Variants in NRCAM observed in about 807,000 individuals in gnomAD.
The protein encoded by NRCAM is NgCAM-related cell adhesion molecule.
NRCAM carries 83 observed loss-of-function variants against 156.5 expected under a neutral mutation model. That is an observed-to-expected ratio of 0.53 (90% CI 0.44 to 0.64). The LOEUF is 0.64. Among genes scored for constraint, NRCAM ranks in the 30% least tolerant of loss-of-function variants. The pLI is 0.00. For missense variants in NRCAM, 1,417 were observed against 1,597.3 expected, an observed-to-expected ratio of 0.89 and a Z score of 1.92; for synonymous variants, 538 against 563.9, an observed-to-expected ratio of 0.95 and a Z score of 0.65.
Position 108,373,738 on chromosome 7 carries a change from A to G in NRCAM, c.-174+25698T>C, listed in dbSNP as rs371913250. Among the ~76,000 whole-genome samples the G allele has an allele frequency of 2.6e-5, 4 of 152,296 alleles. No homozygotes were observed. The South Asian group carries it at 6.2e-4, about 24-fold the overall frequency. On this transcript the variant is annotated intron_variant, in intron 2 of 32. Coordinates refer to ENST00000379028, the MANE Select transcript of NRCAM (RefSeq NM_001037132.4). ...CTTGTGAACTTGTGACTTGTGAACT[A>G]CAGAGCTAATGGTTGTCACTGGTGT...
At position 108,181,068 on chromosome 7, in the gene NRCAM, G is replaced by C. The variant is rs180971295; in HGVS notation, c.2647-641C>G. 9.9e-5 allele frequency among the ~76,000 whole-genome samples: 15 copies of C among 152,228 alleles called. No individual in the cohort carries two copies. In the East Asian group the frequency reaches 2.1e-3, roughly 22 times the overall value. On this transcript the variant is annotated intron_variant, in intron 24 of 32. Transcript: ENST00000379028. ...GCACAGGTTTTGGAGAGATGGATAA[G>C]AAAGTACTGATTAATTTTGGTCACA...
chr7:108,386,527 C>T (rs2099741359), intron 2 of NRCAM, among the ~76,000 whole-genome samples: 1 of 151,998 alleles, frequency 6.6e-6, no homozygotes, highest in South Asian at 2.1e-4. Context: ...ATCTGAGTCA[C>T]AAAAGAGATT....
At chr7:108,395,393 A>G (rs533570234) in intron 2 of NRCAM, among the ~76,000 whole-genome samples, 2 of 152,232 alleles carry the variant, frequency 1.3e-5, no homozygotes, top group African/African-American at 4.8e-5. Flanking sequence ...AAAATGGCCC[A>G]CGAATTGCTG....
intron 12 of NRCAM, among the ~76,000 whole-genome samples, chr7:108,208,844 T>C (rs1288796681): frequency 6.6e-6 from 1 of 152,162 alleles, no homozygotes; most frequent in African/African-American, 2.4e-5. Context: ...ACATGACTTA[T>C]TATTATTGAC....
rs574702993 is a variant in NRCAM at position 108,255,958 on chromosome 7, G to A, written c.-106-15788C>T. ...GCCAGCCGCCCTGTCCGGGAGGGAG[G>A]TGGGGGGCAGCCCCCGCCCGGCCAG... is the stretch of plus-strand genomic sequence containing the variant. On this transcript the variant is annotated intron_variant, in intron 3 of 32. Transcript: ENST00000379028. Among the ~76,000 whole-genome samples, 760 of 125,510 alleles carry A rather than the reference G, an allele frequency of 6.1e-3. 4 individuals are homozygous for A. The highest frequency in any genetic ancestry group is 9.6e-3 in the Non-Finnish European group (555 of 57,980). The allele number at this position is 125,510 out of a possible 152,430, so 82.3% of individuals were successfully genotyped here.
chr7:108,234,797 G>T, intron 5 of NRCAM, 109 bp from the exon 6 acceptor site: 1 of 819,634 alleles, frequency 1.2e-6, no homozygotes, highest in South Asian at 1.3e-5. Context: ...TATGCTTCAA[G>T]TATTTTTAGT....
rs754180677 is a variant in NRCAM, at chr7:108,191,288, A to G, written c.1904-5T>C. The G allele has an allele frequency of 6.3e-7, 1 of 1,596,004 alleles. No individual in the cohort carries two copies. The highest frequency in any genetic ancestry group is 1.1e-5 in the South Asian group (1 of 87,986). ...GAGCTGGAGTTGGAGTAGGAGCTAGAAAGGACATTAATATAAAGGATTTTA... is the reference window on the plus strand; with the variant it reads ...GAGCTGGAGTTGGAGTAGGAGCTAGGAAGGACATTAATATAAAGGATTTTA... On this transcript the variant is annotated splice_polypyrimidine_tract_variant and splice_region_variant and intron_variant, in intron 18 of 32. Transcript: ENST00000379028.
chr7:108,225,347 A>G (rs1047920393), intron 10 of NRCAM, among the ~76,000 whole-genome samples: 6 of 152,192 alleles, frequency 3.9e-5, no homozygotes, highest in Admixed American at 2.6e-4. Flanking sequence ...AGAACAAAAC[A>G]TGGAAAACAT....
rs561153141 is a variant in NRCAM at position 108,389,375 on chromosome 7, G to A, written c.-174+10061C>T. Among the ~76,000 whole-genome samples the A allele has an allele frequency of 1.7e-3, 260 of 152,098 alleles. 4 individuals carry two copies. The highest frequency in any genetic ancestry group is 0.013 in the Admixed American group (198 of 15,262). ...GCTCTCTGTTTGTTATTGGTGTATAGGAATGCTTGTGATTTTTGCATATTG... is the reference window on the plus strand; with the variant it reads ...GCTCTCTGTTTGTTATTGGTGTATAAGAATGCTTGTGATTTTTGCATATTG... On this transcript the variant is annotated intron_variant, in intron 2 of 32. Coordinates refer to ENST00000379028, the MANE Select transcript of NRCAM (RefSeq NM_001037132.4).
chr7:108,180,261 G>A lies in NRCAM; in HGVS notation c.2813C>T (p.Pro938Leu). 6.2e-7 allele frequency: 1 copy of A among 1,614,180 alleles called. No homozygotes were observed. The highest frequency in any genetic ancestry group is 8.5e-7 in the Non-Finnish European group (1 of 1,180,016). The change falls in exon 25 of 33, where the codon CCA (proline) becomes CTA (leucine). Residue 938 changes from proline to leucine, a missense_variant. Physicochemically the swap from Pro to Leu is moderately conservative, Grantham distance 98. This residue lies in a region of NRCAM where 1,238 missense variants were observed against 1,336.4 expected (regional missense o/e 0.93). Transcript: ENST00000379028. ...ATTAAAGACTCTGTCAGGGCTGGCTGGGCCCTCCCCTTTCCCATTGACCAC... is the reference window on the plus strand; with the variant it reads ...ATTAAAGACTCTGTCAGGGCTGGCTAGGCCCTCCCCTTTCCCATTGACCAC... Reference protein sequence around the residue: ...VRVVNGKGEGPASPDRVFNTP... With the variant: ...VRVVNGKGEGLASPDRVFNTP...
intron 3 of NRCAM, among the ~76,000 whole-genome samples, chr7:108,257,807 C>T (rs1254289897): frequency 6.6e-6 from 1 of 152,064 alleles, no homozygotes; most frequent in South Asian, 2.1e-4. Context: ...TTGCTTTTAA[C>T]TTCACATTCA....
chr7:108,254,882 C>T (rs190860013), intron 3 of NRCAM, among the ~76,000 whole-genome samples: 1 of 152,216 alleles, frequency 6.6e-6, no homozygotes, highest in East Asian at 1.9e-4. Context: ...CACTCACTTA[C>T]CATACAATCC....
chr7:108,170,622 T>TA (rs2057913091), intron 28 of NRCAM, among the ~76,000 whole-genome samples: 1 of 152,222 alleles, frequency 6.6e-6, no homozygotes, highest in Non-Finnish European at 1.5e-5. Flanking sequence ...TGATGTGTCA[T>TA]AACTCCCTAA....
chr7:108,201,006 G>A (rs2077731394), intron 13 of NRCAM, among the ~76,000 whole-genome samples: 1 of 152,010 alleles, frequency 6.6e-6, no homozygotes, highest in African/African-American at 2.4e-5. Context: ...GGGCAGCGAG[G>A]CATAAAAGAC....
At chr7:108,251,334 G>A (rs1482761981) in intron 3 of NRCAM, among the ~76,000 whole-genome samples, 1 of 152,056 alleles carries the variant, frequency 6.6e-6, no homozygotes, top group Non-Finnish European at 1.5e-5. Context: ...CAAATAAACT[G>A]GGTTAAAATA....
intron 30 of NRCAM, among the ~76,000 whole-genome samples, chr7:108,161,412 T>G (rs945598777): frequency 2.0e-5 from 3 of 152,224 alleles, no homozygotes; most frequent in Non-Finnish European, 4.4e-5. Context: ...GTATCAATCT[T>G]ATGGGAAAAA....
intron 23 of NRCAM, 129 bp downstream of exon 23, chr7:108,182,566 A>T: frequency 1.4e-6 from 1 of 730,478 alleles, no homozygotes; most frequent in Non-Finnish European, 2.3e-6. Context: ...CAGGCTGTTT[A>T]AATTCAGAGA....
At chr7:108,157,338 C>T (rs181264211) in intron 32 of NRCAM, among the ~76,000 whole-genome samples, 131 of 152,204 alleles carry the variant, frequency 8.6e-4, no homozygotes, top group African/African-American at 3.0e-3. Context: ...TAAATTAACA[C>T]TAAGACAAAG....
chr7:108,333,456 A>G (rs2099147505), intron 2 of NRCAM, among the ~76,000 whole-genome samples: 1 of 152,198 alleles, frequency 6.6e-6, no homozygotes, highest in Admixed American at 6.5e-5. Context: ...TGATAATTCT[A>G]TTTTAACAAA....
Sources: allele counts gnomAD v4.1 joint callset (sites outside exome capture counted in the v4.1 genomes callset), GRCh38; gene constraint gnomAD v4.1.1; regional missense constraint gnomAD v4.1.1; transcripts MANE v1.5; gene names NCBI Gene and HGNC (gene_info 2026-07-23, HGNC 2026-07-21).